Variants in PIK3AP1 observed in about 807,000 individuals in gnomAD.
PIK3AP1 encodes the protein phosphoinositide-3-kinase adaptor protein 1, also known as phosphoinositide 3-kinase adapter protein 1.
A neutral mutation model predicts 88.1 loss-of-function variants in PIK3AP1; 21 were observed. The observed-to-expected ratio is 0.24, with a 90% CI of 0.17 to 0.34. The LOEUF (loss-of-function observed/expected upper bound fraction) is 0.34, where lower values mean the gene tolerates loss of function less well. Ranked by LOEUF, PIK3AP1 falls within the 10% of genes least tolerant of loss-of-function variation. The pLI, the probability that PIK3AP1 is intolerant of heterozygous loss-of-function variation, is 1.00. For missense variants in PIK3AP1, 828 were observed against 1,035.7 expected (o/e 0.80, Z 2.75); for synonymous variants, 398 against 400.0 (o/e 1.00, Z 0.06).
intron 15 of PIK3AP1, 88 bp downstream of exon 15, chr10:96,603,891 G>T: frequency 8.2e-7 from 1 of 1,225,390 alleles, no homozygotes; most frequent in South Asian, 1.4e-5. Flanking sequence ...ATGACCTTTT[G>T]TGCCTGGCTC....
chr10:96,608,648 G>C, intron 14 of PIK3AP1, among the ~76,000 whole-genome samples: 1 of 152,142 alleles, frequency 6.6e-6, no homozygotes, highest in East Asian at 1.9e-4. Flanking sequence ...TAAGTCCATG[G>C]GTGGGCAAAA....
intron 8 of PIK3AP1, among the ~76,000 whole-genome samples, chr10:96,628,871 T>TACATATGTATACACAC (rs778599781): frequency 3.0e-3 from 132 of 43,690 alleles, no homozygotes; most frequent in Non-Finnish European, 5.7e-3. Context: ...CACACATATA[T>TACATATGTATACACAC]ACACATATAT....
chr10:96,603,275 T>C (rs890820290), intron 15 of PIK3AP1, among the ~76,000 whole-genome samples: 12 of 152,348 alleles, frequency 7.9e-5, no homozygotes, highest in African/African-American at 2.9e-4. Flanking sequence ...AACGTTTTCA[T>C]CACCCCAAAA....
At chr10:96,695,967 A>G (rs929825192) in intron 2 of PIK3AP1, among the ~76,000 whole-genome samples, 6 of 152,202 alleles carry the variant, frequency 3.9e-5, no homozygotes, top group African/African-American at 1.4e-4. Context: ...TTTTCTGTTT[A>G]GAAACACCCT....
At chr10:96,711,739 ATTT>A (rs763923650) in intron 1 of PIK3AP1, among the ~76,000 whole-genome samples, 293 of 66,408 alleles carry the variant, frequency 4.4e-3, no homozygotes, top group Middle Eastern at 0.024. Context: ...AGATTACCAA[ATTT>A]TTTTTTTTTT....
At chr10:96,607,202 T>G (rs1849017222) in intron 14 of PIK3AP1, among the ~76,000 whole-genome samples, 1 of 152,166 alleles carries the variant, frequency 6.6e-6, no homozygotes, top group African/African-American at 2.4e-5. Context: ...ACTCTCCCTC[T>G]CTGCCATGGG....
At chr10:96,611,454 C>T (rs1418133844) in intron 13 of PIK3AP1, among the ~76,000 whole-genome samples, 1 of 151,658 alleles carries the variant, frequency 6.6e-6, no homozygotes, top group Non-Finnish European at 1.5e-5. Flanking sequence ...TTTCTTCCTG[C>T]TCTGACTTAG....
chr10:96,632,278 G>C (rs1243405829), intron 8 of PIK3AP1, among the ~76,000 whole-genome samples: 1 of 152,210 alleles, frequency 6.6e-6, no homozygotes, highest in Non-Finnish European at 1.5e-5. Flanking sequence ...TATTGTGCCA[G>C]TGTAATTCCC....
intron 14 of PIK3AP1, among the ~76,000 whole-genome samples, chr10:96,609,133 G>T (rs545872812): frequency 1.2e-4 from 18 of 152,310 alleles, no homozygotes; most frequent in Middle Eastern, 3.4e-3. Context: ...GTTCAAATTT[G>T]AGTTCATTAT....
intron 2 of PIK3AP1, among the ~76,000 whole-genome samples, chr10:96,696,180 T>A (rs1844217205): frequency 6.6e-6 from 1 of 152,242 alleles, no homozygotes; most frequent in Admixed American, 6.5e-5. Flanking sequence ...ACTAGGCATC[T>A]ACCACACATA....
chr10:96,690,123 T>C (rs1276624248), intron 2 of PIK3AP1, among the ~76,000 whole-genome samples: 1 of 152,196 alleles, frequency 6.6e-6, no homozygotes, highest in Non-Finnish European at 1.5e-5. Flanking sequence ...ATCATGTATC[T>C]CCTTGGTATT....
intron 2 of PIK3AP1, among the ~76,000 whole-genome samples, chr10:96,706,391 T>C (rs1229071788): frequency 6.6e-6 from 1 of 152,192 alleles, no homozygotes; most frequent in Non-Finnish European, 1.5e-5. Context: ...AGATGGGTTA[T>C]CACAAGTTAT....
At chr10:96,640,503 A>T (rs1164438447) in intron 8 of PIK3AP1, among the ~76,000 whole-genome samples, 3 of 152,198 alleles carry the variant, frequency 2.0e-5, no homozygotes, top group African/African-American at 7.2e-5. Flanking sequence ...GGCAGGGGAC[A>T]AAGAACTAAG....
chr10:96,663,243 A>G (rs1452784024), intron 2 of PIK3AP1, among the ~76,000 whole-genome samples: 2 of 152,162 alleles, frequency 1.3e-5, no homozygotes, highest in African/African-American at 2.4e-5. Context: ...ATTATGGTGA[A>G]TATTGCACAA....
At chr10:96,716,055 C>A (rs747924525) in intron 1 of PIK3AP1, among the ~76,000 whole-genome samples, 1 of 152,058 alleles carries the variant, frequency 6.6e-6, no homozygotes, top group Non-Finnish European at 1.5e-5. Flanking sequence ...CCAATGCAGG[C>A]GGATCACTTG....
At chr10:96,658,588 A>G (rs1373479545) in intron 2 of PIK3AP1, among the ~76,000 whole-genome samples, 1 of 152,144 alleles carries the variant, frequency 6.6e-6, no homozygotes, top group East Asian at 1.9e-4. Flanking sequence ...CTAGCCATGC[A>G]GCTTAAAATC....
At chr10:96,647,658 C>T (rs1843478104) in intron 7 of PIK3AP1, among the ~76,000 whole-genome samples, 1 of 152,214 alleles carries the variant, frequency 6.6e-6, no homozygotes, top group Admixed American at 6.5e-5. Flanking sequence ...CTCTGTGCCT[C>T]CGTGAATCAC....
rs2134181107 is a variant in PIK3AP1 at position 96,602,307 on chromosome 10, C to T, written c.2333G>A (p.Arg778Lys). ...CTGTGAGGCAGCTCTCGGAGGCACC[C>T]TGGGGGGTCTCTCGAGGGACATGGT... Reference protein sequence around the residue: ...TPTMSLERPPRVPPRAASQRP... With the variant: ...TPTMSLERPPKVPPRAASQRP... Residue 778 changes from arginine (R) to lysine (K), a missense_variant, in exon 16 of 17, where the codon AGG becomes AAG. Arg to Lys is a conservative substitution (Grantham distance 26). This residue lies in a region of PIK3AP1 where 191 missense variants were observed against 208.6 expected (regional missense o/e 0.92). Coordinates refer to ENST00000339364, the MANE Select transcript of PIK3AP1 (RefSeq NM_152309.3). 4.4e-6 allele frequency: 7 copies of T among 1,607,582 alleles called. No homozygotes were observed. Among genetic ancestry groups the T allele is most frequent in the Non-Finnish European group, 5.9e-6 (7 of 1,177,738 alleles).
intron 15 of PIK3AP1, 198 bp downstream of exon 15, chr10:96,603,781 C>T: frequency 1.9e-6 from 1 of 530,186 alleles, no homozygotes; most frequent in Admixed American, 3.3e-5. Context: ...CAGTTTCTTC[C>T]CATTCCTCCT....
Sources: gnomAD v4.1 joint callset for allele counts (sites outside exome capture counted in the v4.1 genomes callset) on GRCh38, gnomAD v4.1.1 for gene constraint, gnomAD v4.1.1 regional missense constraint, MANE v1.5 for transcripts, NCBI Gene and HGNC (gene_info 2026-07-23, HGNC 2026-07-21) for gene names.